DOK5: variants seen among roughly 807,000 people sequenced by gnomAD.
The protein encoded by DOK5 is docking protein 5, also known as downstream of tyrosine kinase 5.
DOK5 carries 27 observed loss-of-function variants against 43.3 expected under a neutral mutation model. That is an observed-to-expected ratio of 0.62 (90% CI 0.46 to 0.86). The LOEUF is 0.86. DOK5 is among the 40% of genes least tolerant of loss of function. The pLI is 0.00. For synonymous variants in DOK5, 146 were observed against 140.1 expected, an observed-to-expected ratio of 1.04 and a Z score of -0.30; for missense variants, 373 against 392.9, an observed-to-expected ratio of 0.95 and a Z score of 0.43.
At chr20:54,537,682 T>C (rs1984004075) in intron 1 of DOK5, among the ~76,000 whole-genome samples, 1 of 152,054 alleles carries the variant, frequency 6.6e-6, no homozygotes. Context: ...AGGGACCTTG[T>C]GGCATTGTAA....
At chr20:54,533,408 G>A (rs1029335977) in intron 1 of DOK5, among the ~76,000 whole-genome samples, 2 of 152,100 alleles carry the variant, frequency 1.3e-5, no homozygotes, top group African/African-American at 4.8e-5. Flanking sequence ...ACTGGATGAT[G>A]TATTATAAGA....
At chr20:54,568,803 G>A (rs1308310335) in intron 2 of DOK5, among the ~76,000 whole-genome samples, 3 of 151,794 alleles carry the variant, frequency 2.0e-5, no homozygotes, top group Non-Finnish European at 4.4e-5. Flanking sequence ...GGTGGCGGGC[G>A]CCTGTAGTCC....
intron 1 of DOK5, among the ~76,000 whole-genome samples, chr20:54,533,764 TATAATAA>T (rs1983860027): frequency 6.6e-6 from 1 of 152,228 alleles, no homozygotes; most frequent in Non-Finnish European, 1.5e-5. Flanking sequence ...AAATTTGTGA[TATAATAA>T]ACAATATTTT....
intron 2 of DOK5, among the ~76,000 whole-genome samples, chr20:54,572,179 G>C (rs906731194): frequency 8.6e-6 from 1 of 115,982 alleles, no homozygotes; most frequent in Non-Finnish European, 1.8e-5. Flanking sequence ...TTTTTTTTTT[G>C]AGACGGAGTC....
chr20:54,509,790 G>A (rs6127207), intron 1 of DOK5, among the ~76,000 whole-genome samples: 1 of 152,104 alleles, frequency 6.6e-6, no homozygotes, highest in Non-Finnish European at 1.5e-5. Flanking sequence ...TTTCATTCTA[G>A]GACAGACTGC....
intron 1 of DOK5, among the ~76,000 whole-genome samples, chr20:54,514,891 C>T (rs1179647523): frequency 3.9e-5 from 6 of 151,958 alleles, no homozygotes; most frequent in Non-Finnish European, 8.8e-5. Flanking sequence ...TTCCATCCTT[C>T]TTTCCGTCCC....
intron 1 of DOK5, among the ~76,000 whole-genome samples, chr20:54,539,897 G>A (rs1009731588): frequency 7.2e-5 from 11 of 152,198 alleles, no homozygotes; most frequent in African/African-American, 1.4e-4. Flanking sequence ...CACCTAAGAC[G>A]TGAAGGAGGA....
intron 1 of DOK5, among the ~76,000 whole-genome samples, chr20:54,513,620 T>C (rs915335663): frequency 7.2e-5 from 11 of 152,164 alleles, no homozygotes; most frequent in African/African-American, 2.7e-4. Context: ...AGAATAAGAC[T>C]GTCAAAGGAA....
At chr20:54,573,810 T>C (rs1207362524) in intron 2 of DOK5, among the ~76,000 whole-genome samples, 2 of 151,764 alleles carry the variant, frequency 1.3e-5, no homozygotes, top group Non-Finnish European at 2.9e-5. Flanking sequence ...GAGAGGTATA[T>C]AGGAGCTTCC....
In DOK5 at chr20:54,593,756, C is replaced by T. The variant is rs996475357; in HGVS notation, c.599+1951C>T. On this transcript the variant is annotated intron_variant, in intron 5 of 7. Transcript: ENST00000262593. The stretch of plus-strand genomic sequence containing the variant: ...ACATGGAATCAACCCAAATGCTCAT[C>T]GATGATAGACTGGATAAAGAAAATG... Among the ~76,000 whole-genome samples the T allele has an allele frequency of 5.9e-5, 9 of 152,198 alleles. No homozygotes were observed. In the South Asian group the frequency reaches 6.2e-4, roughly 11 times the overall value.
At chr20:54,641,275 C>T (rs940306746) in intron 6 of DOK5, among the ~76,000 whole-genome samples, 8 of 151,988 alleles carry the variant, frequency 5.3e-5, no homozygotes, top group African/African-American at 1.9e-4. Context: ...ACAGGGAATT[C>T]GATTCAGCAA....
At chr20:54,592,388 T>C (rs1156712856) in intron 5 of DOK5, among the ~76,000 whole-genome samples, 2 of 152,152 alleles carry the variant, frequency 1.3e-5, no homozygotes, top group Non-Finnish European at 2.9e-5. Context: ...TAGGGGTTAA[T>C]CTGGGAGAGA....
intron 1 of DOK5, among the ~76,000 whole-genome samples, chr20:54,492,948 G>A (rs1358821360): frequency 2.0e-5 from 3 of 150,190 alleles, no homozygotes; most frequent in African/African-American, 4.9e-5. Flanking sequence ...CCAGTTACTC[G>A]AAAGGCTGAG....
chr20:54,561,518 G>T (rs1984904985), intron 2 of DOK5, among the ~76,000 whole-genome samples: 2 of 152,248 alleles, frequency 1.3e-5, no homozygotes, highest in Non-Finnish European at 2.9e-5. Flanking sequence ...GGGTAGCCCA[G>T]CAACAGGTGA....
chr20:54,644,722 A>AACAAAAAAAACCC (rs1568827238), intron 7 of DOK5, among the ~76,000 whole-genome samples: 1 of 146,568 alleles, frequency 6.8e-6, no homozygotes, highest in African/African-American at 2.5e-5. Context: ...AAAAAAAAAA[A>AACAAAAAAAACCC]AACAAAATTT....
chr20:54,621,604 G>A (rs924649691), intron 6 of DOK5, among the ~76,000 whole-genome samples: 4 of 151,382 alleles, frequency 2.6e-5, no homozygotes, highest in Non-Finnish European at 4.4e-5. Flanking sequence ...CAGGAGAATC[G>A]CTTGAACCCG....
intron 6 of DOK5, among the ~76,000 whole-genome samples, chr20:54,619,200 C>T (rs1986910741): frequency 6.7e-6 from 1 of 149,212 alleles, no homozygotes; most frequent in Admixed American, 6.7e-5. Flanking sequence ...TTATTATTCA[C>T]TCTAAAGGGG....
At chr20:54,574,967 T>A (rs1327761174) in intron 2 of DOK5, among the ~76,000 whole-genome samples, 1 of 152,224 alleles carries the variant, frequency 6.6e-6, no homozygotes, top group African/African-American at 2.4e-5. Context: ...AGGGATTTTC[T>A]GGCATTCTTT....
At chr20:54,503,409 C>T (rs139644001) in intron 1 of DOK5, among the ~76,000 whole-genome samples, 19 of 152,038 alleles carry the variant, frequency 1.2e-4, no homozygotes, top group East Asian at 3.9e-4. Flanking sequence ...GGCCTTGGAA[C>T]GTGTTCATTG....
Sources: allele counts gnomAD v4.1 joint callset (sites outside exome capture counted in the v4.1 genomes callset), GRCh38; gene constraint gnomAD v4.1.1; transcripts MANE v1.5; gene names NCBI Gene and HGNC (gene_info 2026-07-23, HGNC 2026-07-21).